CACNG4: variants seen among roughly 807,000 people sequenced by gnomAD.
The protein encoded by CACNG4 is voltage-dependent calcium channel gamma-4 subunit.
In CACNG4, 8 loss-of-function variants were observed where a neutral mutation model predicts 22.9. The ratio of observed to expected loss-of-function variants is 0.35; its 90% confidence interval spans 0.21 to 0.63. The LOEUF is 0.63. Ranked by LOEUF, CACNG4 falls within the 30% of genes least tolerant of loss-of-function variation. The pLI is 0.72. For missense variants in CACNG4, 357 were observed against 455.4 expected (o/e 0.78, Z 1.97); for synonymous variants, 188 against 191.9 (o/e 0.98, Z 0.17).
rs1308197789 is a variant in CACNG4 at position 66,984,203 on chromosome 17, C to A, written c.220+19072C>A. On this transcript the variant is annotated intron_variant, in intron 1 of 3. Coordinates refer to ENST00000262138, the MANE Select transcript of CACNG4 (RefSeq NM_014405.4). The surrounding 1 kb of genome is among the most constrained non-coding windows in gnomAD (Gnocchi z 4.0). ...AGACCAGTTTGGCAACATAATGAGACCCCGTTTCTAACAACAACAAAAAAT... is the reference window on the plus strand; with the variant it reads ...AGACCAGTTTGGCAACATAATGAGAACCCGTTTCTAACAACAACAAAAAAT... Among the ~76,000 whole-genome samples the A allele has an allele frequency of 1.3e-5, 2 of 152,074 alleles. No individual in the cohort carries two copies. The highest frequency in any genetic ancestry group is 2.9e-5 in the Non-Finnish European group (2 of 68,034).
rs2035253311 is a variant in CACNG4 at position 66,978,738 on chromosome 17, C to A, written c.220+13607C>A. 4.6e-5 allele frequency among the ~76,000 whole-genome samples: 7 copies of A among 152,374 alleles called. No individual in the cohort carries two copies. The South Asian group carries it at 1.4e-3, about 32-fold the overall frequency. On this transcript the variant is annotated intron_variant, in intron 1 of 3. Coordinates refer to ENST00000262138, the MANE Select transcript of CACNG4 (RefSeq NM_014405.4). ...ACGCTGTCCCTGCCTCGCATCTGAG[C>A]CTTCGCCCGAGACATTTTCTCGCTT...
At chr17:66,983,467 G>C (rs2143294802) in intron 1 of CACNG4, among the ~76,000 whole-genome samples, 1 of 152,294 alleles carries the variant, frequency 6.6e-6, no homozygotes, top group South Asian at 2.1e-4. Context: ...AAGAGAGCAG[G>C]ACCCGCCCCT....
At chr17:67,002,887 T>G (rs8071936) in intron 1 of CACNG4, among the ~76,000 whole-genome samples, 23,775 of 152,134 alleles carry the variant, frequency 0.16, 4,411 homozygotes, top group African/African-American at 0.44. Context: ...GGAATATAGT[T>G]TTCAACCAAA....
intron 2 of CACNG4, chr17:67,020,192 C>A (rs76562965): frequency 0.014 from 2,061 of 152,534 alleles, 27 homozygotes; most frequent in Middle Eastern, 0.034. Flanking sequence ...CGCCGAGACC[C>A]TTCTCCAAAA....
At chr17:67,010,365 CCA>C (rs2035461643) in intron 1 of CACNG4, among the ~76,000 whole-genome samples, 1 of 152,122 alleles carries the variant, frequency 6.6e-6, no homozygotes, top group Admixed American at 6.5e-5. Flanking sequence ...CATGCTGAAG[CCA>C]CACAGAACGT....
At chr17:67,025,581 C>A (rs1434211495) in intron 3 of CACNG4, among the ~76,000 whole-genome samples, 1 of 152,262 alleles carries the variant, frequency 6.6e-6, no homozygotes, top group African/African-American at 2.4e-5. Context: ...CCCCGCCCAT[C>A]CCGACTGCCC....
At chr17:66,966,330 T>G (rs1434176085) in intron 1 of CACNG4, among the ~76,000 whole-genome samples, 1 of 152,174 alleles carries the variant, frequency 6.6e-6, no homozygotes, top group African/African-American at 2.4e-5. Context: ...GGGGCTTTCC[T>G]TTGATTTTTC....
At chr17:67,004,747 G>A (rs2035427718) in intron 1 of CACNG4, among the ~76,000 whole-genome samples, 1 of 152,062 alleles carries the variant, frequency 6.6e-6, no homozygotes, top group African/African-American at 2.4e-5. Flanking sequence ...TTTTAAGACA[G>A]GGTCTCAGTC....
intron 1 of CACNG4, among the ~76,000 whole-genome samples, chr17:66,976,730 C>T (rs944204467): frequency 1.3e-4 from 20 of 152,132 alleles, no homozygotes; most frequent in African/African-American, 4.8e-4. Context: ...GCACAGCGGC[C>T]GTGCTCCCAC....
chr17:67,003,665 C>T (rs543709129), intron 1 of CACNG4, among the ~76,000 whole-genome samples: 14 of 152,320 alleles, frequency 9.2e-5, no homozygotes, highest in East Asian at 5.8e-4. Flanking sequence ...AGTAGCACTT[C>T]GCCCTGCAAC....
chr17:66,971,651 G>T (rs552443007), intron 1 of CACNG4, among the ~76,000 whole-genome samples: 1 of 152,256 alleles, frequency 6.6e-6, no homozygotes, highest in African/African-American at 2.4e-5. Context: ...ACAGGAAATT[G>T]TCAGGGAAGG....
intron 1 of CACNG4, among the ~76,000 whole-genome samples, chr17:66,980,620 C>CTTTTTTTTTTTTTTTTTTTTT (rs67051865): frequency 9.3e-6 from 1 of 107,030 alleles, no homozygotes; most frequent in African/African-American, 4.0e-5. Flanking sequence ...TGTGTAAATT[C>CTTTTTTTTTTTTTTTTTTTTT]TTTTTTTTTT....
chr17:67,016,121 T>C (rs3785584), intron 1 of CACNG4, among the ~76,000 whole-genome samples: 37,613 of 152,090 alleles, frequency 0.25, 4,949 homozygotes, highest in South Asian at 0.34. Context: ...CCCCCAACTC[T>C]GAGCCACCAC....
At chr17:66,973,252 A>G (rs937331555) in intron 1 of CACNG4, among the ~76,000 whole-genome samples, 80 of 146,072 alleles carry the variant, frequency 5.5e-4, no homozygotes, top group Admixed American at 3.0e-3. Flanking sequence ...AAAAAAAAAA[A>G]GCGAAAGCAC....
At chr17:66,965,844 G>GT (rs777344272) in intron 1 of CACNG4, among the ~76,000 whole-genome samples, 59 of 152,232 alleles carry the variant, frequency 3.9e-4, no homozygotes, top group Admixed American at 2.2e-3. Flanking sequence ...GCTCCTCGCT[G>GT]TGCGGTGGGG....
chr17:66,975,329 C>G (rs2035229779), intron 1 of CACNG4, among the ~76,000 whole-genome samples: 2 of 152,106 alleles, frequency 1.3e-5, no homozygotes, highest in South Asian at 4.1e-4. Context: ...ACCATGAGTC[C>G]ACATGGAAGC....
chr17:67,022,667 G>T (rs1406495337), intron 2 of CACNG4, among the ~76,000 whole-genome samples: 1 of 152,280 alleles, frequency 6.6e-6, no homozygotes, highest in Non-Finnish European at 1.5e-5. Flanking sequence ...AGCTGGCTGG[G>T]GAGGGTGGCG....
intron 1 of CACNG4, among the ~76,000 whole-genome samples, chr17:66,997,553 A>G (rs529454441): frequency 1.3e-5 from 2 of 152,350 alleles, no homozygotes; most frequent in South Asian, 4.1e-4. Flanking sequence ...GTAGTGGCTC[A>G]TACCTATAAT....
At chr17:67,017,549 T>C (rs60434629) in intron 1 of CACNG4, among the ~76,000 whole-genome samples, 7,044 of 150,846 alleles carry the variant, frequency 0.047, 525 homozygotes, top group African/African-American at 0.16. Flanking sequence ...GACAGAGTCT[T>C]GCTCTGTCGC....
Sources: gnomAD v4.1 joint callset for allele counts (sites outside exome capture counted in the v4.1 genomes callset) on GRCh38, gnomAD v4.1.1 for gene constraint, Gnocchi (gnomAD v3.1) non-coding constraint, MANE v1.5 for transcripts, NCBI Gene and HGNC (gene_info 2026-07-23, HGNC 2026-07-21) for gene names.